ANKRD52: variants seen among roughly 807,000 people sequenced by gnomAD.
ANKRD52 encodes serine/threonine-protein phosphatase 6 regulatory ankyrin repeat subunit C.
In ANKRD52, 7 loss-of-function variants were observed where a neutral mutation model predicts 116.0. The observed-to-expected ratio is 0.06, with a 90% CI of 0.03 to 0.11. The LOEUF (loss-of-function observed/expected upper bound fraction) is 0.11. Ranked by LOEUF, ANKRD52 falls within the 10% of genes least tolerant of loss-of-function variation. The pLI is 1.00. For missense variants in ANKRD52, 839 were observed against 1,408.6 expected (o/e 0.60, Z 6.47); for synonymous variants, 528 against 578.1 (o/e 0.91, Z 1.24).
In ANKRD52 at chr12:56,240,536, C is replaced by CA. The variant is rs1871120069; in HGVS notation, c.*2605_*2606insT. 2.7e-5 allele frequency: 4 copies of CA among 150,858 alleles called. No homozygotes were observed. Among genetic ancestry groups the CA allele is most frequent in the Non-Finnish European group, 5.9e-5 (4 of 67,738 alleles). The allele number at this position is 150,858 out of a possible 1,614,324, so 9.3% of individuals were successfully genotyped here. On this transcript the variant is annotated 3_prime_UTR_variant, in exon 28 of 28. Coordinates refer to ENST00000267116, the MANE Select transcript of ANKRD52 (RefSeq NM_173595.4). This position sits in a 1 kb window ranked among gnomAD's most constrained non-coding sequence, Gnocchi z 4.2. ...CCCTCCCCGCCCTCCCCCATGAAGACTGGGGGGCATTCTGCCTGTTTTACT... is the reference window on the plus strand; with the variant it reads ...CCCTCCCCGCCCTCCCCCATGAAGACATGGGGGGCATTCTGCCTGTTTTACT...
At chr12:56,245,213 A>C in intron 21 of ANKRD52, 23 bp from the exon 22 acceptor site, 1 of 1,610,926 alleles carries the variant, frequency 6.2e-7, no homozygotes, top group Non-Finnish European at 8.5e-7. Context: ...AAGGAAGAGT[A>C]GTGATGGAGA....
rs74661305 is a variant in ANKRD52, at chr12:56,256,211, C to T, written c.262-227G>A. Among the ~76,000 whole-genome samples, 1,111 of 152,284 alleles carry T rather than the reference C, an allele frequency of 7.3e-3. 5 individuals carry two copies. The highest frequency in any genetic ancestry group is 0.012 in the Non-Finnish European group (826 of 68,020). Reference sequence around the variant, plus strand: ...CTGATTAAAACAAGGACCCTTTGCTCTTCTTCAAGCCACCTGACTCGCCAA... The same window carrying T: ...CTGATTAAAACAAGGACCCTTTGCTTTTCTTCAAGCCACCTGACTCGCCAA... On this transcript the variant is annotated intron_variant, in intron 4 of 27. Transcript: ENST00000267116.
chr12:56,255,106 C>A lies in ANKRD52; in HGVS notation c.463-154G>T. On this transcript the variant is annotated intron_variant, in intron 5 of 27. Coordinates refer to ENST00000267116, the MANE Select transcript of ANKRD52 (RefSeq NM_173595.4). This position sits in a 1 kb window ranked among gnomAD's most constrained non-coding sequence, Gnocchi z 4.3. ...GGAGGACTCGAGGGAACAGCAGAAGCAGGCACTAAGGAGGAGATACTGGAG... is the reference window on the plus strand; with the variant it reads ...GGAGGACTCGAGGGAACAGCAGAAGAAGGCACTAAGGAGGAGATACTGGAG... The A allele has an allele frequency of 1.6e-6, 1 of 633,330 alleles. No individual in the cohort carries two copies. The highest frequency in any genetic ancestry group is 2.7e-6 in the Non-Finnish European group (1 of 365,340). 39.2% of individuals were successfully genotyped at this position (633,330 alleles called of 1,614,324 possible).
At chr12:56,247,912 A>C (rs1871494559) in intron 18 of ANKRD52, 111 bp downstream of exon 18, 1 of 1,357,960 alleles carries the variant, frequency 7.4e-7, no homozygotes, top group Non-Finnish European at 1.0e-6. Flanking sequence ...GCTATGAATC[A>C]GGGCTTGAAG....
intron 2 of ANKRD52, among the ~76,000 whole-genome samples, chr12:56,257,610 G>A (rs1177585192): frequency 6.6e-6 from 1 of 152,050 alleles, no homozygotes; most frequent in Non-Finnish European, 1.5e-5. Flanking sequence ...AGGTTGAGAA[G>A]AGAACAACGT....
At position 56,243,068 on chromosome 12, in the gene ANKRD52, T is replaced by C; in HGVS notation, c.*74A>G. 1 of 1,459,824 alleles carries C rather than the reference T, an allele frequency of 6.9e-7. No individual in the cohort carries two copies. Among genetic ancestry groups the C allele is most frequent in the Non-Finnish European group, 9.1e-7 (1 of 1,103,580 alleles). 90.4% of individuals were successfully genotyped at this position (1,459,824 alleles called of 1,614,324 possible). On this transcript the variant is annotated 3_prime_UTR_variant, in exon 28 of 28. Coordinates refer to ENST00000267116, the MANE Select transcript of ANKRD52 (RefSeq NM_173595.4). This position sits in a 1 kb window ranked among gnomAD's most constrained non-coding sequence, Gnocchi z 4.6. Reference sequence around the variant, plus strand: ...AGTCGTGTTCTCCTTTAAAGTGCCCTAAATGTTTAGACTTTTTCTAAATAA... The same window carrying C: ...AGTCGTGTTCTCCTTTAAAGTGCCCCAAATGTTTAGACTTTTTCTAAATAA...
In ANKRD52 at chr12:56,245,479, C is replaced by T; in HGVS notation, c.2302G>A (p.Ala768Thr). 1 of 1,612,080 alleles carries T rather than the reference C, an allele frequency of 6.2e-7. No homozygotes were observed. The highest frequency in any genetic ancestry group is 8.5e-7 in the Non-Finnish European group (1 of 1,179,274). Residue 768 changes from alanine (A) to threonine (T), a missense_variant, in exon 21 of 28, where the codon GCA (alanine) becomes ACA (threonine). This residue lies in a region of ANKRD52 where 552 missense variants were observed against 810.6 expected (regional missense o/e 0.68). Transcript: ENST00000267116. ...IHLASACGHT[A>T]VLRTLLQAAL... ...GCCTGCAGCAGGGTCCGCAGTACTG[C>T]AGTGTGGCCACAGGCTGAGGCCAGG...
rs1871772514 is a variant in ANKRD52 at position 56,252,925 on chromosome 12, C to T, written c.1184-28G>A. 3 of 1,609,504 alleles carry T rather than the reference C, an allele frequency of 1.9e-6. No homozygotes were observed. The highest frequency in any genetic ancestry group is 2.5e-6 in the Non-Finnish European group (3 of 1,177,378). On this transcript the variant is annotated intron_variant, in intron 11 of 27. Transcript: ENST00000267116. The surrounding 1 kb of genome is among the most constrained non-coding windows in gnomAD (Gnocchi z 4.7). The stretch of plus-strand genomic sequence containing the variant: ...GGAGGCACAGAACAGCCACAGGTCA[C>T]ATCTGAGAGTGTTCAGCAGGGAGGG...
Position 56,238,046 on chromosome 12 carries a change from C to G in ANKRD52, c.*5096G>C. The G allele has an allele frequency of 3.5e-6, 1 of 288,722 alleles. No homozygotes were observed. Among genetic ancestry groups the G allele is most frequent in the Middle Eastern group, 9.8e-4 (1 of 1,024 alleles). 17.9% of individuals were successfully genotyped at this position (288,722 alleles called of 1,614,324 possible). On this transcript the variant is annotated 3_prime_UTR_variant, in exon 28 of 28. Transcript: ENST00000267116. ...GCACCGAGGTCCCCACTTTTTCCTG[C>G]TGCCCTCGGCACCCTGGGGATGCAG...
Position 56,247,790 on chromosome 12 carries a change from C to A in ANKRD52, c.1979-16G>T. ...CCAGAGGCAGCTAGGGGAAAGGGAC[C>A]CCGTGTCAGGGCAGGGCCAGGAGGA... On this transcript the variant is annotated splice_polypyrimidine_tract_variant and intron_variant, in intron 18 of 27. Coordinates refer to ENST00000267116, the MANE Select transcript of ANKRD52 (RefSeq NM_173595.4). The A allele has an allele frequency of 6.2e-7, 1 of 1,608,106 alleles. No homozygotes were observed. The highest frequency in any genetic ancestry group is 8.5e-7 in the Non-Finnish European group (1 of 1,177,806).
At chr12:56,250,662 T>A (rs901606491) in intron 15 of ANKRD52, among the ~76,000 whole-genome samples, 1 of 150,668 alleles carries the variant, frequency 6.6e-6, no homozygotes, top group Non-Finnish European at 1.5e-5. Flanking sequence ...GGCAGGAGGA[T>A]TGCTTGAGCC....
chr12:56,253,260 C>T lies in ANKRD52; in HGVS notation c.1100+28G>A. Reference sequence around the variant, plus strand: ...GCAGTCTGTGCAGATCTGGGCAGCCCAGAAGTGGAGTCGGGGCCCTGACTC... The same window carrying T: ...GCAGTCTGTGCAGATCTGGGCAGCCTAGAAGTGGAGTCGGGGCCCTGACTC... On this transcript the variant is annotated intron_variant, in intron 10 of 27. Coordinates refer to ENST00000267116, the MANE Select transcript of ANKRD52 (RefSeq NM_173595.4). This position sits in a 1 kb window ranked among gnomAD's most constrained non-coding sequence, Gnocchi z 5.5. 2 of 1,600,290 alleles carry T rather than the reference C, an allele frequency of 1.2e-6. No homozygotes were observed. Among genetic ancestry groups the T allele is most frequent in the Non-Finnish European group, 1.7e-6 (2 of 1,169,454 alleles).
At chr12:56,250,190 C>T (rs1045607338) in intron 15 of ANKRD52, among the ~76,000 whole-genome samples, 3 of 151,774 alleles carry the variant, frequency 2.0e-5, no homozygotes, top group Admixed American at 1.3e-4. Context: ...GAGCAAGACT[C>T]CATCTCAAAT....
At position 56,247,733 on chromosome 12, in the gene ANKRD52, T is replaced by G. The variant is rs766619959; in HGVS notation, c.2020A>C (p.Ser674Arg). ...HTDSLHLLID[S>R]GERADITDVM... ...TCTGTGATGTCAGCTCGTTCCCCAC[T>G]GTCGATCAGCAAGTGCAGGGAGTCA... The change falls in exon 19 of 28, where the codon AGT becomes CGT. Residue 674 changes from serine to arginine, a missense_variant. Physicochemically the swap from Ser to Arg is moderately radical, Grantham distance 110. This residue lies in a region of ANKRD52 where 552 missense variants were observed against 810.6 expected (regional missense o/e 0.68). Coordinates refer to ENST00000267116, the MANE Select transcript of ANKRD52 (RefSeq NM_173595.4). The G allele has an allele frequency of 1.2e-6, 2 of 1,612,718 alleles. No homozygotes were observed. The highest frequency in any genetic ancestry group is 1.1e-5 in the South Asian group (1 of 90,750).
Position 56,253,540 on chromosome 12 carries a change from T to C in ANKRD52, c.986-138A>G. ...GATTCTACATATTTTATCCTGTTTC[T>C]AGGCCTTAGGAGACTGGGCAGGGCA... is the stretch of plus-strand genomic sequence containing the variant. On this transcript the variant is annotated intron_variant, in intron 9 of 27. Transcript: ENST00000267116. The surrounding 1 kb of genome is among the most constrained non-coding windows in gnomAD (Gnocchi z 5.5). The C allele has an allele frequency of 1.1e-6, 1 of 929,562 alleles. No individual in the cohort carries two copies. The highest frequency in any genetic ancestry group is 1.7e-6 in the Non-Finnish European group (1 of 603,102). The allele number at this position is 929,562 out of a possible 1,614,324, so 57.6% of individuals were successfully genotyped here.
Position 56,241,835 on chromosome 12 carries a change from C to T in ANKRD52, c.*1307G>A, listed in dbSNP as rs757542913. On this transcript the variant is annotated 3_prime_UTR_variant, in exon 28 of 28. Transcript: ENST00000267116. ...AAAACTGCCCCCTCTTCACTCCAGC[C>T]CAGTTTGGCTTTTGGGGTGCGACTT... The T allele has an allele frequency of 1.3e-4, 51 of 397,108 alleles. No individual in the cohort carries two copies. The highest frequency in any genetic ancestry group is 2.7e-5 in the Non-Finnish European group (6 of 225,780). The allele number at this position is 397,108 out of a possible 1,614,324, so 24.6% of individuals were successfully genotyped here.
chr12:56,246,460 G>C (rs1871404106), intron 20 of ANKRD52, among the ~76,000 whole-genome samples: 1 of 152,182 alleles, frequency 6.6e-6, no homozygotes, highest in South Asian at 2.1e-4. Flanking sequence ...ACTAAATGGA[G>C]AGAAGGAGAC....
rs760280028 is a variant in ANKRD52 at position 56,252,092 on chromosome 12, C to T, written c.1515G>A (p.Ala505=). The stretch of plus-strand genomic sequence containing the variant: ...CATGGCTGGAAGGTGTATGGGGTTC[C>T]GCTCTGGGGAAGAGAGAGAGAAAGT... ...YAAASDTYRR[A]EPHTPSSHDA... The change falls in exon 15 of 28, where the codon GCG becomes GCA. Residue 505 remains alanine, a synonymous_variant. Transcript: ENST00000267116. This position sits in a 1 kb window ranked among gnomAD's most constrained non-coding sequence, Gnocchi z 4.7. 10 of 1,613,756 alleles carry T rather than the reference C, an allele frequency of 6.2e-6. No individual in the cohort carries two copies. The highest frequency in any genetic ancestry group is 2.2e-5 in the South Asian group (2 of 91,076).
In ANKRD52 at chr12:56,239,770, C is replaced by T. The variant is rs1871083433; in HGVS notation, c.*3372G>A. The T allele has an allele frequency of 6.6e-6, 1 of 152,410 alleles. No individual in the cohort carries two copies. The highest frequency in any genetic ancestry group is 2.4e-5 in the African/African-American group (1 of 41,554). The allele number at this position is 152,410 out of a possible 1,614,324, so 9.4% of individuals were successfully genotyped here. The stretch of plus-strand genomic sequence containing the variant: ...CCACCCCACCTCCAGCCTCTTCTCC[C>T]CTTCTAGGTCCAGGGAGTAAGAAGG... On this transcript the variant is annotated 3_prime_UTR_variant, in exon 28 of 28. Transcript: ENST00000267116.
Sources: gnomAD v4.1 joint callset for allele counts (sites outside exome capture counted in the v4.1 genomes callset) on GRCh38, gnomAD v4.1.1 for gene constraint, gnomAD v4.1.1 regional missense constraint, Gnocchi (gnomAD v3.1) non-coding constraint, MANE v1.5 for transcripts, NCBI Gene and HGNC (gene_info 2026-07-23, HGNC 2026-07-21) for gene names.